Variants in ZNF131 observed in about 807,000 individuals in gnomAD.
ZNF131 encodes zinc finger and BTB domain containing 35, also known as zinc finger protein 131.
Under a neutral mutation model 60.0 loss-of-function variants are expected in ZNF131, and 7 were observed. The observed-to-expected ratio is 0.12, with a 90% confidence interval of 0.07 to 0.22. The LOEUF is 0.22. Ranked by LOEUF, ZNF131 falls within the 10% of genes least tolerant of loss-of-function variation. ZNF131 has a pLI of 1.00. For missense variants in ZNF131, 493 were observed against 740.9 expected (o/e 0.67, Z 3.88); for synonymous variants, 257 against 253.2 (o/e 1.01, Z -0.14).
chr5:43,135,159 T>C (rs1229690646), intron 3 of ZNF131, among the ~76,000 whole-genome samples: 1 of 151,490 alleles, frequency 6.6e-6, no homozygotes, highest in Non-Finnish European at 1.5e-5. Context: ...CCACCACGCC[T>C]GGCTAATTTT....
chr5:43,147,508 C>T (rs1049065965), intron 4 of ZNF131, among the ~76,000 whole-genome samples: 2 of 151,616 alleles, frequency 1.3e-5, no homozygotes, highest in African/African-American at 2.4e-5. Flanking sequence ...AGCTCCGCCT[C>T]CCGGGTTCAC....
At position 43,175,188 on chromosome 5, in the gene ZNF131, G is replaced by A. The variant is rs1193066612; in HGVS notation, c.*55G>A. 14 of 1,499,160 alleles carry A rather than the reference G, an allele frequency of 9.3e-6. No homozygotes were observed. The highest frequency in any genetic ancestry group is 2.7e-5 in the South Asian group (2 of 74,954). The allele number at this position is 1,499,160 out of a possible 1,614,324, so 92.9% of individuals were successfully genotyped here. ...CTTGTTGGGTTTTTGAACTGATTAT[G>A]GGCAGTTTGACTGTCCTTAATTAAG... On this transcript the variant is annotated 3_prime_UTR_variant, in exon 7 of 7. Transcript: ENST00000682664.
intron 4 of ZNF131, among the ~76,000 whole-genome samples, chr5:43,152,017 AT>A (rs1476622544): frequency 1.1e-3 from 161 of 150,936 alleles, no homozygotes; most frequent in Middle Eastern, 0.01. Flanking sequence ...TTATTTATTT[AT>A]TTATTGAGAT....
At chr5:43,157,302 C>A (rs1415954577) in intron 4 of ZNF131, among the ~76,000 whole-genome samples, 1 of 152,226 alleles carries the variant, frequency 6.6e-6, no homozygotes, top group African/African-American at 2.4e-5. Flanking sequence ...CTCCCCTCAT[C>A]TCCCATGTGA....
At chr5:43,154,388 T>G (rs1299266723) in intron 4 of ZNF131, among the ~76,000 whole-genome samples, 3 of 151,292 alleles carry the variant, frequency 2.0e-5, no homozygotes, top group Non-Finnish European at 4.4e-5. Context: ...CACTCCAGCC[T>G]GGGCTCCAGA....
At chr5:43,132,676 A>G (rs1046886740) in intron 3 of ZNF131, among the ~76,000 whole-genome samples, 1 of 151,810 alleles carries the variant, frequency 6.6e-6, no homozygotes, top group African/African-American at 2.4e-5. Flanking sequence ...ACACCCGGCT[A>G]ATTTTGTTAT....
chr5:43,165,021 G>T (rs1750177327), intron 5 of ZNF131, among the ~76,000 whole-genome samples: 1 of 152,156 alleles, frequency 6.6e-6, no homozygotes, highest in African/African-American at 2.4e-5. Flanking sequence ...CGCGATCATG[G>T]CTCACTGCAG....
At chr5:43,124,934 G>GCGGGAGGATTGCTGGGGCC (rs1485279404) in intron 3 of ZNF131, 2 of 152,056 alleles carry the variant, frequency 1.3e-5, no homozygotes, top group Admixed American at 6.6e-5. Flanking sequence ...GGAGGCTGAG[G>GCGGGAGGATTGCTGGGGCC]CGGGAGGATT....
intron 3 of ZNF131, among the ~76,000 whole-genome samples, chr5:43,128,657 A>T (rs1215497736): frequency 0.022 from 673 of 30,380 alleles, 6 homozygotes; most frequent in African/African-American, 0.056. Flanking sequence ...ACTCCATCTC[A>T]AAAAAAAAAA....
At chr5:43,130,263 CCAAAAAA>C (rs1483494298) in intron 3 of ZNF131, among the ~76,000 whole-genome samples, 1 of 33,158 alleles carries the variant, frequency 3.0e-5, no homozygotes, top group Non-Finnish European at 5.1e-5. Context: ...GACTCTGTCT[CCAAAAAA>C]AAAAAAAAAA....
At chr5:43,157,370 C>G (rs1579849495) in intron 4 of ZNF131, among the ~76,000 whole-genome samples, 1 of 152,302 alleles carries the variant, frequency 6.6e-6, no homozygotes, top group East Asian at 1.9e-4. Context: ...AATTTCCCTT[C>G]TTTTACATTC....
intron 5 of ZNF131, among the ~76,000 whole-genome samples, chr5:43,166,337 T>C (rs1052448006): frequency 3.3e-5 from 5 of 152,152 alleles, no homozygotes; most frequent in Admixed American, 1.3e-4. Context: ...CTTCTGCCTT[T>C]TGATTTGAAG....
chr5:43,166,315 C>G (rs552119125), intron 5 of ZNF131, among the ~76,000 whole-genome samples: 1 of 152,218 alleles, frequency 6.6e-6, no homozygotes, highest in African/African-American at 2.4e-5. Context: ...CTTGCTCTCA[C>G]AGGCTTCATC....
intron 4 of ZNF131, among the ~76,000 whole-genome samples, chr5:43,160,183 CA>C (rs374640542): frequency 0.095 from 11,884 of 125,218 alleles, 648 homozygotes; most frequent in Middle Eastern, 0.19. Context: ...CTCAAAAAAA[CA>C]AAACAAAAAA....
At chr5:43,142,203 CGTT>C (rs1746931024) in intron 4 of ZNF131, among the ~76,000 whole-genome samples, 1 of 151,018 alleles carries the variant, frequency 6.6e-6, no homozygotes, top group Admixed American at 6.6e-5. Context: ...ATTAGCCAGG[CGTT>C]GTGGCGGGCG....
intron 3 of ZNF131, among the ~76,000 whole-genome samples, chr5:43,135,155 C>T (rs1330267300): frequency 6.6e-6 from 1 of 151,690 alleles, no homozygotes; most frequent in African/African-American, 2.4e-5. Flanking sequence ...TGCACCACCA[C>T]GCCTGGCTAA....
chr5:43,175,111 C>G lies in ZNF131; in HGVS notation c.1850C>G (p.Thr617Arg). Residue 617 changes from threonine (T) to arginine (R), a missense_variant, in exon 7 of 7, where the codon ACA becomes AGA. Coordinates refer to ENST00000682664, the MANE Select transcript of ZNF131 (RefSeq NM_001330707.2). ...GAAAAGGCAGAGAATGAGGACAGAA[C>G]AGCTCTGCCAGTTTTAGAATGAAAT... ...EAEKAENEDRTALPVLE is the reference protein window; with the variant it reads ...EAEKAENEDRRALPVLE 6.2e-7 allele frequency: 1 copy of G among 1,602,464 alleles called. No individual in the cohort carries two copies. Among genetic ancestry groups the G allele is most frequent in the Non-Finnish European group, 8.5e-7 (1 of 1,176,680 alleles).
intron 5 of ZNF131, among the ~76,000 whole-genome samples, chr5:43,170,470 T>C (rs906225370): frequency 2.0e-5 from 3 of 152,180 alleles, no homozygotes; most frequent in Non-Finnish European, 4.4e-5. Context: ...TGGAGGAAAT[T>C]CATATCTCAA....
intron 5 of ZNF131, among the ~76,000 whole-genome samples, chr5:43,166,893 C>G (rs539867031): frequency 2.0e-5 from 3 of 152,118 alleles, no homozygotes; most frequent in Admixed American, 6.5e-5. Context: ...CTCCTGAGCT[C>G]GTGATCCACC....
Sources: gnomAD v4.1 joint callset for allele counts (sites outside exome capture counted in the v4.1 genomes callset) on GRCh38, gnomAD v4.1.1 for gene constraint, MANE v1.5 for transcripts, NCBI Gene and HGNC (gene_info 2026-07-23, HGNC 2026-07-21) for gene names.